Variants in NCOA1 observed in about 807,000 individuals in gnomAD.
NCOA1 encodes the protein Hin-2 protein.
NCOA1 carries 35 observed loss-of-function variants against 150.9 expected under a neutral mutation model. That is an observed-to-expected ratio of 0.23 (90% confidence interval 0.18 to 0.31). NCOA1 has a LOEUF of 0.31. Among genes scored for constraint, NCOA1 ranks in the 10% least tolerant of loss-of-function variants. NCOA1 has a pLI of 1.00. For synonymous variants in NCOA1, 590 were observed against 630.0 expected (o/e 0.94, Z 0.95); for missense variants, 1,491 against 1,749.3 (o/e 0.85, Z 2.63).
chr2:24,726,148 G>T (rs1363779715), intron 14 of NCOA1, among the ~76,000 whole-genome samples: 1 of 151,914 alleles, frequency 6.6e-6, no homozygotes, highest in African/African-American at 2.4e-5. Context: ...TTGCTGCATG[G>T]CCTCAGATTC....
intron 3 of NCOA1, among the ~76,000 whole-genome samples, chr2:24,618,462 A>C (rs1284383554): frequency 2.0e-5 from 3 of 152,242 alleles, no homozygotes; most frequent in Admixed American, 6.5e-5. Context: ...CTAGTTTACC[A>C]TCTGGTCTGA....
At chr2:24,696,969 T>A (rs766244546) in intron 10 of NCOA1, among the ~76,000 whole-genome samples, 2 of 152,106 alleles carry the variant, frequency 1.3e-5, no homozygotes, top group Non-Finnish European at 2.9e-5. Flanking sequence ...ATTCACAAAC[T>A]GGATTAATTG....
At chr2:24,549,912 G>A (rs1400224865) in intron 1 of NCOA1, among the ~76,000 whole-genome samples, 2 of 152,048 alleles carry the variant, frequency 1.3e-5, no homozygotes, top group Non-Finnish European at 2.9e-5. Context: ...CAGCACCCAA[G>A]TCACCTCTTG....
At chr2:24,710,884 G>A (rs749333717) in intron 13 of NCOA1, 47 bp from the exon 14 acceptor site, 3 of 1,573,080 alleles carry the variant, frequency 1.9e-6, no homozygotes, top group Non-Finnish European at 1.7e-6. Context: ...GTTGTTTCAG[G>A]TGAAAGTGTA....
chr2:24,587,770 G>A (rs1333894022), intron 3 of NCOA1, among the ~76,000 whole-genome samples: 1 of 152,128 alleles, frequency 6.6e-6, no homozygotes, highest in East Asian at 1.9e-4. Context: ...TTCAAGTAAA[G>A]GTCACAATCA....
intron 1 of NCOA1, among the ~76,000 whole-genome samples, chr2:24,503,889 C>T (rs1017585915): frequency 2.6e-5 from 4 of 152,076 alleles, no homozygotes; most frequent in Admixed American, 2.0e-4. Context: ...TGTGTACCAC[C>T]ACACACAGCT....
intron 3 of NCOA1, among the ~76,000 whole-genome samples, chr2:24,620,870 G>A (rs1010045650): frequency 6.6e-6 from 1 of 152,148 alleles, no homozygotes; most frequent in African/African-American, 2.4e-5. Context: ...TTTAGGATAT[G>A]CAGGACCTTT....
chr2:24,544,428 C>T (rs980497424), intron 1 of NCOA1, among the ~76,000 whole-genome samples: 1 of 152,074 alleles, frequency 6.6e-6, no homozygotes, highest in African/African-American at 2.4e-5. Flanking sequence ...GGTCAAGGAT[C>T]TTAGGAACAC....
intron 6 of NCOA1, among the ~76,000 whole-genome samples, chr2:24,672,339 T>C (rs1334127411): frequency 6.6e-6 from 1 of 152,158 alleles, no homozygotes; most frequent in Non-Finnish European, 1.5e-5. Context: ...GAATACCGAA[T>C]GGTGGCTATA....
At chr2:24,579,419 C>T (rs915166454) in intron 2 of NCOA1, among the ~76,000 whole-genome samples, 4 of 152,252 alleles carry the variant, frequency 2.6e-5, no homozygotes, top group Non-Finnish European at 4.4e-5. Flanking sequence ...GCTTTTTCAA[C>T]AGAGTTTGAT....
At chr2:24,642,042 G>GCGCA (rs1553441374) in intron 3 of NCOA1, among the ~76,000 whole-genome samples, 3 of 151,010 alleles carry the variant, frequency 2.0e-5, no homozygotes, top group East Asian at 1.9e-4. Context: ...GTGTGTGCGC[G>GCGCA]CGTGCGTATG....
chr2:24,665,224 AT>A (rs1194686515), intron 5 of NCOA1, among the ~76,000 whole-genome samples: 2 of 151,928 alleles, frequency 1.3e-5, no homozygotes, highest in Non-Finnish European at 2.9e-5. Flanking sequence ...TATTATCCTT[AT>A]TTTGCCTTTG....
chr2:24,663,973 G>A (rs1671299541), intron 5 of NCOA1, among the ~76,000 whole-genome samples: 1 of 152,164 alleles, frequency 6.6e-6, no homozygotes, highest in African/African-American at 2.4e-5. Flanking sequence ...TCGTGTTGCA[G>A]TTTAGATCCA....
chr2:24,507,796 A>G (rs1663770712), intron 1 of NCOA1, among the ~76,000 whole-genome samples: 1 of 152,158 alleles, frequency 6.6e-6, no homozygotes, highest in Non-Finnish European at 1.5e-5. Context: ...TCCTTCTCTT[A>G]TAACTGTATA....
chr2:24,525,708 G>A lies in NCOA1; in HGVS notation c.-396+34106G>A, dbSNP rs760355875. On this transcript the variant is annotated intron_variant, in intron 1 of 22. Coordinates refer to ENST00000348332, the MANE Select transcript of NCOA1 (RefSeq NM_003743.5). ...ATTATAGGCATGCGTCACCATGCCT[G>A]GCTAATTTTTTTGTATTTTTAGTAG... is the stretch of plus-strand genomic sequence containing the variant. 1.1e-3 allele frequency among the ~76,000 whole-genome samples: 162 copies of A among 152,074 alleles called. 1 individual carries two copies. In the Middle Eastern group the frequency reaches 0.014, roughly 13 times the overall value.
At chr2:24,721,975 T>C (rs1225773508) in intron 14 of NCOA1, among the ~76,000 whole-genome samples, 1 of 152,218 alleles carries the variant, frequency 6.6e-6, no homozygotes, top group African/African-American at 2.4e-5. Context: ...TTCCCCTTTT[T>C]TCTTTCTTGA....
At chr2:24,765,284 A>G (rs1342806904) in intron 22 of NCOA1, among the ~76,000 whole-genome samples, 1 of 151,736 alleles carries the variant, frequency 6.6e-6, no homozygotes, top group Non-Finnish European at 1.5e-5. Context: ...CGGGCAGATC[A>G]CTAGGTCAGG....
At chr2:24,502,334 GCTCTTTT>G (rs1400696338) in intron 1 of NCOA1, among the ~76,000 whole-genome samples, 1 of 152,054 alleles carries the variant, frequency 6.6e-6, no homozygotes, top group Non-Finnish European at 1.5e-5. Context: ...AGTTTTGTAG[GCTCTTTT>G]CTCCTCACTG....
chr2:24,503,504 G>A lies in NCOA1; in HGVS notation c.-396+11902G>A, dbSNP rs1663553529. On this transcript the variant is annotated intron_variant, in intron 1 of 22. Transcript: ENST00000348332. ...TGAATACCTGTTGTTTGATAATATGGGGCACCATAAAGTAGTTATATTTTA... is the reference window on the plus strand; with the variant it reads ...TGAATACCTGTTGTTTGATAATATGAGGCACCATAAAGTAGTTATATTTTA... Among the ~76,000 whole-genome samples the A allele has an allele frequency of 3.9e-5, 6 of 152,054 alleles. No homozygotes were observed. The South Asian group carries it at 1.2e-3, about 32-fold the overall frequency.
Sources: allele counts gnomAD v4.1 joint callset (sites outside exome capture counted in the v4.1 genomes callset), GRCh38; gene constraint gnomAD v4.1.1; transcripts MANE v1.5; gene names NCBI Gene and HGNC (gene_info 2026-07-23, HGNC 2026-07-21).